The following RNF150 variants were observed in gnomAD, a reference collection of about 807,000 sequenced individuals.
The protein encoded by RNF150 is ring finger protein 150.
A neutral mutation model predicts 39.3 loss-of-function variants in RNF150; 24 were observed. That is an observed-to-expected ratio of 0.61 (90% CI 0.44 to 0.86). The LOEUF is 0.86. Among genes scored for constraint, RNF150 ranks in the 40% least tolerant of loss-of-function variants. RNF150 has a pLI of 0.00. For synonymous variants in RNF150, 255 were observed against 227.3 expected, an observed-to-expected ratio of 1.12 and a Z score of -1.10; for missense variants, 502 against 587.8, an observed-to-expected ratio of 0.85 and a Z score of 1.51.
intron 1 of RNF150, among the ~76,000 whole-genome samples, chr4:141,181,766 C>T (rs1727913175): frequency 1.3e-5 from 2 of 152,246 alleles, no homozygotes; most frequent in Admixed American, 1.3e-4. Context: ...TAATGATGTG[C>T]TAATTGTTGT....
intron 1 of RNF150, among the ~76,000 whole-genome samples, chr4:141,169,851 A>T (rs896968948): frequency 1.1e-4 from 16 of 152,056 alleles, no homozygotes; most frequent in African/African-American, 3.9e-4. Flanking sequence ...GAGTCATTTA[A>T]CACATTTTTT....
intron 1 of RNF150, among the ~76,000 whole-genome samples, chr4:141,010,618 T>C (rs907495597): frequency 2.0e-5 from 3 of 152,188 alleles, no homozygotes; most frequent in African/African-American, 7.2e-5. Flanking sequence ...CAGCTTGTAA[T>C]GGCATGGGGC....
At chr4:141,098,752 G>C (rs942030926) in intron 1 of RNF150, among the ~76,000 whole-genome samples, 1 of 152,052 alleles carries the variant, frequency 6.6e-6, no homozygotes, top group African/African-American at 2.4e-5. Context: ...TTGCTACATT[G>C]TCTCTCTTAC....
intron 1 of RNF150, among the ~76,000 whole-genome samples, chr4:141,008,815 T>C (rs1734961079): frequency 6.6e-6 from 1 of 152,100 alleles, no homozygotes; most frequent in Admixed American, 6.6e-5. Context: ...AGTTTAAGTG[T>C]TCATATCTGG....
At chr4:141,018,402 A>G (rs1208041975) in intron 1 of RNF150, among the ~76,000 whole-genome samples, 1 of 152,104 alleles carries the variant, frequency 6.6e-6, no homozygotes. Flanking sequence ...AGACAATACC[A>G]TCACATCCCT....
At chr4:141,085,033 A>G (rs1738306724) in intron 1 of RNF150, among the ~76,000 whole-genome samples, 4 of 152,164 alleles carry the variant, frequency 2.6e-5, no homozygotes, top group Admixed American at 2.6e-4. Context: ...GTATTAGCCT[A>G]TTTTCATACT....
intron 6 of RNF150, among the ~76,000 whole-genome samples, chr4:140,890,177 G>A (rs1024125740): frequency 1.3e-4 from 20 of 152,052 alleles, no homozygotes; most frequent in African/African-American, 4.4e-4. Context: ...GTTACATAAT[G>A]TTTTGTGTTA....
At chr4:140,975,080 A>C (rs903526567) in intron 1 of RNF150, among the ~76,000 whole-genome samples, 1 of 151,924 alleles carries the variant, frequency 6.6e-6, no homozygotes, top group Non-Finnish European at 1.5e-5. Context: ...ACACGGCGAA[A>C]CCCTGCCTCT....
intron 1 of RNF150, among the ~76,000 whole-genome samples, chr4:141,204,186 G>T (rs987543399): frequency 3.9e-5 from 6 of 152,152 alleles, no homozygotes; most frequent in Admixed American, 3.9e-4. Flanking sequence ...TGGAGTTAGA[G>T]TATAGATATG....
intron 6 of RNF150, among the ~76,000 whole-genome samples, chr4:140,910,475 T>G (rs1730549962): frequency 6.6e-6 from 1 of 152,148 alleles, no homozygotes; most frequent in Admixed American, 6.5e-5. Context: ...TTATGAAAAC[T>G]ACCATCAAAC....
At chr4:141,062,267 T>C (rs1737262167) in intron 1 of RNF150, among the ~76,000 whole-genome samples, 1 of 152,112 alleles carries the variant, frequency 6.6e-6, no homozygotes, top group Non-Finnish European at 1.5e-5. Flanking sequence ...CTCTTTGTTT[T>C]ATGTCTGTAT....
chr4:141,030,989 A>G (rs1735922097), intron 1 of RNF150, among the ~76,000 whole-genome samples: 1 of 152,034 alleles, frequency 6.6e-6, no homozygotes, highest in East Asian at 1.9e-4. Context: ...AAAATTTTAA[A>G]ATATTTTTTA....
intron 6 of RNF150, among the ~76,000 whole-genome samples, chr4:140,896,578 C>T (rs1729949770): frequency 1.0e-5 from 1 of 95,568 alleles, no homozygotes; most frequent in Admixed American, 1.1e-4. Context: ...GGGAGATATA[C>T]CTAATGCTAG....
At chr4:140,945,587 CATATA>C (rs1732268799) in intron 4 of RNF150, among the ~76,000 whole-genome samples, 4 of 147,128 alleles carry the variant, frequency 2.7e-5, no homozygotes, top group Non-Finnish European at 6.0e-5. Flanking sequence ...ATATATACTA[CATATA>C]TACATATATA....
intron 1 of RNF150, among the ~76,000 whole-genome samples, chr4:141,052,326 T>C (rs1247678263): frequency 6.6e-6 from 1 of 152,180 alleles, no homozygotes; most frequent in East Asian, 1.9e-4. Flanking sequence ...TAAACAGTCA[T>C]AAACATCCAA....
At chr4:140,976,101 A>T (rs183857336) in intron 1 of RNF150, among the ~76,000 whole-genome samples, 1 of 152,186 alleles carries the variant, frequency 6.6e-6, no homozygotes, top group East Asian at 1.9e-4. Flanking sequence ...GAAGACACTG[A>T]TTTCTCTGCA....
rs150199902 is a variant in RNF150, at chr4:140,968,155, A to C, written c.485-282T>G. On this transcript the variant is annotated intron_variant, in intron 1 of 6. Transcript: ENST00000515673. ...GTCATAATCTTGCGATGCCCTTTTCAACTCTCCAAAGCATTGACTCCAGGT... is the reference window on the plus strand; with the variant it reads ...GTCATAATCTTGCGATGCCCTTTTCCACTCTCCAAAGCATTGACTCCAGGT... Among the ~76,000 whole-genome samples the C allele has an allele frequency of 2.2e-3, 340 of 152,156 alleles. 1 individual carries two copies. Among genetic ancestry groups the C allele is most frequent in the African/African-American group, 7.9e-3 (327 of 41,520 alleles).
intron 1 of RNF150, among the ~76,000 whole-genome samples, chr4:141,000,196 A>G (rs1734616993): frequency 6.6e-6 from 1 of 152,128 alleles, no homozygotes; most frequent in African/African-American, 2.4e-5. Flanking sequence ...AGGAGCTACA[A>G]TAAACTTGAA....
intron 6 of RNF150, among the ~76,000 whole-genome samples, chr4:140,900,002 G>C (rs1425438): frequency 0.4 from 57,207 of 143,972 alleles, 11,917 homozygotes; most frequent in East Asian, 0.5. Flanking sequence ...GTGTGTGTGT[G>C]TGTCCCATTT....
Sources: allele counts gnomAD v4.1 joint callset (sites outside exome capture counted in the v4.1 genomes callset), GRCh38; gene constraint gnomAD v4.1.1; transcripts MANE v1.5; gene names NCBI Gene and HGNC (gene_info 2026-07-23, HGNC 2026-07-21).